APOD: variants seen among roughly 807,000 people sequenced by gnomAD.
APOD encodes the protein apolipoprotein D, also known as apo-D.
A neutral mutation model predicts 20.4 loss-of-function variants in APOD; 22 were observed. The observed-to-expected ratio is 1.08, with a 90% CI of 0.77 to 1.54. The LOEUF is 1.54. Ranked by LOEUF, APOD falls within the 40% of genes most tolerant of loss-of-function variation. The probability of loss-of-function intolerance (pLI) is 0.00; values close to 1 mark genes in which losing one functional copy is unlikely to be tolerated. For synonymous variants in APOD, 97 were observed against 92.4 expected (o/e 1.05, Z -0.29); for missense variants, 223 against 229.6 (o/e 0.97, Z 0.19).
chr3:195,568,788 T>G lies in APOD; in HGVS notation c.*112A>C. On this transcript the variant is annotated 3_prime_UTR_variant, in exon 5 of 5. Transcript: ENST00000343267. ...TAACAGGGTAGGGCATGGTTACATGTTCAGGTCAACTTCCTTTGTCGTGGT... is the reference window on the plus strand; with the variant it reads ...TAACAGGGTAGGGCATGGTTACATGGTCAGGTCAACTTCCTTTGTCGTGGT... 3 of 756,218 alleles carry G rather than the reference T, an allele frequency of 4.0e-6. No individual in the cohort carries two copies. The highest frequency in any genetic ancestry group is 6.8e-6 in the Non-Finnish European group (3 of 442,824). 46.8% of individuals were successfully genotyped at this position (756,218 alleles called of 1,614,324 possible).
Position 195,568,785 on chromosome 3 carries a change from A to G in APOD, c.*115T>C, listed in dbSNP as rs1720101312. 6.8e-6 allele frequency: 5 copies of G among 734,346 alleles called. No individual in the cohort carries two copies. Among genetic ancestry groups the G allele is most frequent in the Admixed American group, 6.5e-5 (3 of 46,314 alleles). The allele number at this position is 734,346 out of a possible 1,614,324, so 45.5% of individuals were successfully genotyped here. On this transcript the variant is annotated 3_prime_UTR_variant, in exon 5 of 5. Coordinates refer to ENST00000343267, the MANE Select transcript of APOD (RefSeq NM_001647.4). ...AGGTAACAGGGTAGGGCATGGTTAC[A>G]TGTTCAGGTCAACTTCCTTTGTCGT...
intron 2 of APOD, among the ~76,000 whole-genome samples, chr3:195,578,676 T>C (rs1720286405): frequency 6.6e-6 from 1 of 152,190 alleles, no homozygotes; most frequent in African/African-American, 2.4e-5. Flanking sequence ...CTGGAGAATT[T>C]TGGGCTTTCC....
rs76247037 is a variant in APOD, at chr3:195,578,289, C to T, written c.123+1050G>A. ...TGTAAGTGGAGCAAGTCAGTGTAGA[C>T]GTTAGTGTACTCTATGGCCTCTTCC... On this transcript the variant is annotated intron_variant, in intron 2 of 4. Coordinates refer to ENST00000343267, the MANE Select transcript of APOD (RefSeq NM_001647.4). 1.2e-3 allele frequency among the ~76,000 whole-genome samples: 182 copies of T among 152,038 alleles called. 1 individual carries two copies. Among genetic ancestry groups the T allele is most frequent in the African/African-American group, 4.1e-3 (171 of 41,454 alleles).
At position 195,568,838 on chromosome 3, in the gene APOD, G is replaced by A. The variant is rs993174403; in HGVS notation, c.*62C>T. The A allele has an allele frequency of 2.7e-5, 30 of 1,118,376 alleles. 1 individual carries two copies. The highest frequency in any genetic ancestry group is 2.1e-4 in the Middle Eastern group (1 of 4,722). The allele number at this position is 1,118,376 out of a possible 1,614,324, so 69.3% of individuals were successfully genotyped here. ...TTGATTGGTTTGTCTTTATGGGGGG[G>A]GGGTAGGGGAAAGCGAAGCAGAAGT... On this transcript the variant is annotated 3_prime_UTR_variant, in exon 5 of 5. Coordinates refer to ENST00000343267, the MANE Select transcript of APOD (RefSeq NM_001647.4).
At chr3:195,576,486 A>G (rs1720249353) in intron 2 of APOD, among the ~76,000 whole-genome samples, 1 of 152,250 alleles carries the variant, frequency 6.6e-6, no homozygotes, top group African/African-American at 2.4e-5. Flanking sequence ...AAGCAAGGTT[A>G]CAAGATACAA....
chr3:195,572,452 C>T (rs144386436), intron 3 of APOD, among the ~76,000 whole-genome samples: 15 of 152,314 alleles, frequency 9.8e-5, no homozygotes, highest in South Asian at 2.1e-4. Flanking sequence ...TGGCATATAA[C>T]GCAGTGGTGT....
intron 2 of APOD, among the ~76,000 whole-genome samples, chr3:195,575,286 G>A (rs1450301985): frequency 1.3e-5 from 2 of 152,182 alleles, no homozygotes; most frequent in Non-Finnish European, 2.9e-5. Flanking sequence ...AAGGATTTAT[G>A]TGATTAGATT....
intron 1 of APOD, 138 bp from the exon 2 acceptor site, chr3:195,579,633 TC>T: frequency 1.1e-6 from 1 of 900,688 alleles, no homozygotes; most frequent in Non-Finnish European, 1.7e-6. Flanking sequence ...TGAACCCTCA[TC>T]CTGCAGGGGA....
At chr3:195,572,061 G>A (rs1185183490) in intron 3 of APOD, among the ~76,000 whole-genome samples, 4 of 152,230 alleles carry the variant, frequency 2.6e-5, no homozygotes, top group East Asian at 3.8e-4. Flanking sequence ...GATTACAGGC[G>A]TGAGCCGCCG....
chr3:195,568,904 G>A lies in APOD; in HGVS notation c.566C>T (p.Ser189Leu), dbSNP rs377294046. 36 of 1,612,508 alleles carry A rather than the reference G, an allele frequency of 2.2e-5. No individual in the cohort carries two copies. Among genetic ancestry groups the A allele is most frequent in the Non-Finnish European group, 2.7e-5 (32 of 1,178,814 alleles). Reference protein sequence around the residue: ...VTDQVNCPKLS With the variant: ...VTDQVNCPKLL ...CAGCCTCCCTGTAGAACCTGGTTAC[G>A]AGAGCTTGGGGCAGTTCACCTGGTC... Residue 189 changes from serine (S) to leucine (L), a missense_variant, in exon 5 of 5, where the codon TCG becomes TTG. Ser to Leu is a moderately radical substitution (Grantham distance 145). Transcript: ENST00000343267.
At chr3:195,578,665 C>G (rs553913901) in intron 2 of APOD, among the ~76,000 whole-genome samples, 14 of 152,136 alleles carry the variant, frequency 9.2e-5, no homozygotes, top group Non-Finnish European at 1.3e-4. Context: ...AAGAAAGCCC[C>G]CTGGAGAATT....
At chr3:195,579,518 G>C in intron 1 of APOD, 23 bp from the exon 2 acceptor site, 1 of 1,598,000 alleles carries the variant, frequency 6.3e-7, no homozygotes, top group Non-Finnish European at 8.5e-7. Context: ...AAAGCAGCTG[G>C]GGTTGTCATT....
At chr3:195,575,139 T>C (rs1720227735) in intron 2 of APOD, among the ~76,000 whole-genome samples, 1 of 152,224 alleles carries the variant, frequency 6.6e-6, no homozygotes, top group Admixed American at 6.5e-5. Context: ...GCCGCCTACA[T>C]TCCTTGGCTT....
intron 2 of APOD, among the ~76,000 whole-genome samples, chr3:195,576,365 A>C (rs1720247450): frequency 6.6e-6 from 1 of 152,258 alleles, no homozygotes; most frequent in African/African-American, 2.4e-5. Flanking sequence ...GTATTGAAAA[A>C]TAATCCTAGA....
At chr3:195,581,942 G>A (rs1232469235) in intron 1 of APOD, among the ~76,000 whole-genome samples, 2 of 152,162 alleles carry the variant, frequency 1.3e-5, no homozygotes, top group African/African-American at 4.8e-5. Flanking sequence ...GCCGAGGCAG[G>A]TGGAGCACCT....
chr3:195,569,288 T>C (rs1482857827), intron 4 of APOD, among the ~76,000 whole-genome samples, 153 bp from the exon 5 acceptor site: 1 of 152,096 alleles, frequency 6.6e-6, no homozygotes, highest in Non-Finnish European at 1.5e-5. Flanking sequence ...GGAAAGAAGT[T>C]TGGACGAAAG....
intron 4 of APOD, chr3:195,571,016 G>A (rs1365488421): frequency 7.9e-6 from 4 of 508,104 alleles, no homozygotes; most frequent in East Asian, 6.6e-5. Flanking sequence ...CTGTTGAAAC[G>A]CTAGCTAGTT....
In APOD at chr3:195,579,382, T is replaced by C. The variant is rs1720296976; in HGVS notation, c.80A>G (p.Lys27Arg). 6.2e-7 allele frequency: 1 copy of C among 1,614,102 alleles called. No individual in the cohort carries two copies. Among genetic ancestry groups the C allele is most frequent in the Non-Finnish European group, 8.5e-7 (1 of 1,180,046 alleles). The part of the protein sequence containing the change: ...AAEGQAFHLG[K>R]CPNPPVQENF... ...CTCCTGCACCGGAGGATTGGGGCACTTCCCAAGATGAAATGCTTGTCCCTC... is the reference window on the plus strand; with the variant it reads ...CTCCTGCACCGGAGGATTGGGGCACCTCCCAAGATGAAATGCTTGTCCCTC... Residue 27 changes from lysine (K) to arginine (R), a missense_variant, in exon 2 of 5, where the codon AAG (lysine) becomes AGG (arginine). Transcript: ENST00000343267.
At position 195,573,880 on chromosome 3, in the gene APOD, C is replaced by T; in HGVS notation, c.215G>A (p.Gly72Glu). 6.2e-7 allele frequency: 1 copy of T among 1,614,156 alleles called. No homozygotes were observed. The part of the protein sequence containing the change: ...IQANYSLMEN[G>E]KIKVLNQELR... Reference sequence around the variant, plus strand: ...CTCCTGGTTTAACACTTTGATCTTTCCGTTTTCCATTAGTGAGTAGTTGGC... The same window carrying T: ...CTCCTGGTTTAACACTTTGATCTTTTCGTTTTCCATTAGTGAGTAGTTGGC... Residue 72 changes from glycine to glutamate, a missense_variant, in exon 3 of 5, where the codon GGA (glycine) becomes GAA (glutamate). Transcript: ENST00000343267.
Sources: gnomAD v4.1 joint callset for allele counts (sites outside exome capture counted in the v4.1 genomes callset) on GRCh38, gnomAD v4.1.1 for gene constraint, MANE v1.5 for transcripts, NCBI Gene and HGNC (gene_info 2026-07-23, HGNC 2026-07-21) for gene names.